Variants in SIRT5 observed in about 807,000 individuals in gnomAD.
SIRT5 encodes the protein NAD-dependent protein deacylase sirtuin-5, mitochondrial.
A neutral mutation model predicts 40.0 loss-of-function variants in SIRT5; 26 were observed. The ratio of observed to expected loss-of-function variants is 0.65; its 90% CI spans 0.48 to 0.90. SIRT5 has a LOEUF of 0.90. Among genes scored for constraint, SIRT5 ranks in the 40% least tolerant of loss-of-function variants. The pLI, the probability that SIRT5 is intolerant of heterozygous loss-of-function variation, is 0.00. For missense variants in SIRT5, 401 were observed against 402.4 expected (o/e 1.00, Z 0.03); for synonymous variants, 146 against 149.1 (o/e 0.98, Z 0.15).
chr6:13,583,556 A>G (rs1186555312), intron 2 of SIRT5, among the ~76,000 whole-genome samples: 2 of 152,046 alleles, frequency 1.3e-5, no homozygotes, highest in African/African-American at 4.8e-5. Context: ...GGCCTCCCAA[A>G]GTGGTGGGAT....
At chr6:13,595,790 CAGTG>C (rs1761495485) in intron 6 of SIRT5, among the ~76,000 whole-genome samples, 1 of 152,072 alleles carries the variant, frequency 6.6e-6, no homozygotes, top group Non-Finnish European at 1.5e-5. Context: ...CTGGGCAACA[CAGTG>C]AGAAACCTGT....
At chr6:13,594,890 A>C (rs1198606217) in intron 5 of SIRT5, among the ~76,000 whole-genome samples, 2 of 152,216 alleles carry the variant, frequency 1.3e-5, no homozygotes, top group African/African-American at 4.8e-5. Flanking sequence ...TTGATTACTT[A>C]TTTATTGAGG....
At chr6:13,576,069 A>T (rs1758595495) in intron 1 of SIRT5, among the ~76,000 whole-genome samples, 1 of 152,234 alleles carries the variant, frequency 6.6e-6, no homozygotes, top group African/African-American at 2.4e-5. Context: ...ATGGATACTT[A>T]GTTGCTTCTA....
intron 9 of SIRT5, among the ~76,000 whole-genome samples, chr6:13,603,141 G>T (rs897254140): frequency 1.3e-5 from 2 of 151,974 alleles, no homozygotes; most frequent in Non-Finnish European, 2.9e-5. Context: ...GCCGGGCGTG[G>T]TGGTGGGCGT....
At chr6:13,594,675 A>G (rs1761350217) in intron 5 of SIRT5, among the ~76,000 whole-genome samples, 1 of 152,196 alleles carries the variant, frequency 6.6e-6, no homozygotes, top group South Asian at 2.1e-4. Context: ...CCACAGCCCT[A>G]TTGGCTCAGC....
At chr6:13,577,082 T>G (rs1758729315) in intron 1 of SIRT5, among the ~76,000 whole-genome samples, 1 of 152,150 alleles carries the variant, frequency 6.6e-6, no homozygotes, top group African/African-American at 2.4e-5. Flanking sequence ...GATTAGGGAG[T>G]GTGATGCCTT....
intron 9 of SIRT5, among the ~76,000 whole-genome samples, chr6:13,610,947 A>G (rs1256858106): frequency 6.6e-6 from 1 of 152,140 alleles, no homozygotes; most frequent in African/African-American, 2.4e-5. Context: ...TTTTCTTTTA[A>G]TAATGCATGA....
rs994176926 is a variant in SIRT5 at position 13,607,898 on chromosome 6, C to T, written c.858-3892C>T. Among the ~76,000 whole-genome samples the T allele has an allele frequency of 6.6e-6, 1 of 152,090 alleles. No individual in the cohort carries two copies. Among genetic ancestry groups the T allele is most frequent in the Non-Finnish European group, 1.5e-5 (1 of 68,016 alleles). On this transcript the variant is annotated intron_variant, in intron 9 of 9. Transcript: ENST00000606117. This position sits in a 1 kb window ranked among gnomAD's most constrained non-coding sequence, Gnocchi z 4.0. ...CCTCCCAAGCAGCTAGGACTACAGGCGTGCGCCACCACACCCAGCTAATTT... is the reference window on the plus strand; with the variant it reads ...CCTCCCAAGCAGCTAGGACTACAGGTGTGCGCCACCACACCCAGCTAATTT...
intron 9 of SIRT5, 51 bp downstream of exon 9, chr6:13,601,000 A>G: frequency 7.1e-7 from 1 of 1,401,942 alleles, no homozygotes; most frequent in South Asian, 1.2e-5. Flanking sequence ...AGGTACAGAC[A>G]TGGTCATCTA....
At chr6:13,601,022 C>T (rs1762307156) in intron 9 of SIRT5, 73 bp downstream of exon 9, 1 of 1,130,428 alleles carries the variant, frequency 8.8e-7, no homozygotes, top group South Asian at 1.4e-5. Context: ...ACATAGTTGA[C>T]CTACTCCTCT....
intron 9 of SIRT5, among the ~76,000 whole-genome samples, chr6:13,602,425 G>A (rs1762513335): frequency 6.6e-6 from 1 of 152,024 alleles, no homozygotes; most frequent in African/African-American, 2.4e-5. Context: ...GCTTGAACCT[G>A]GGAGGGGGAG....
chr6:13,587,171 C>T (rs1049460175), intron 3 of SIRT5, among the ~76,000 whole-genome samples: 2 of 150,428 alleles, frequency 1.3e-5, no homozygotes, highest in African/African-American at 5.0e-5. Context: ...GGGGCATTCC[C>T]GGCTTCAGTA....
At chr6:13,596,850 T>C (rs753985931) in intron 6 of SIRT5, 113 bp from the exon 7 acceptor site, 1 of 758,508 alleles carries the variant, frequency 1.3e-6, no homozygotes, top group Non-Finnish European at 2.1e-6. Context: ...CATGTATTAA[T>C]TAGGAGTTTT....
intron 3 of SIRT5, among the ~76,000 whole-genome samples, chr6:13,585,404 C>A (rs112204739): frequency 0.016 from 2,386 of 151,946 alleles, 70 homozygotes; most frequent in African/African-American, 0.054. Flanking sequence ...CCCACCACCC[C>A]CCGACAGGCC....
At chr6:13,593,528 T>C (rs1761204426) in intron 5 of SIRT5, among the ~76,000 whole-genome samples, 1 of 152,188 alleles carries the variant, frequency 6.6e-6, no homozygotes, top group Non-Finnish European at 1.5e-5. Context: ...TCTTATAGAA[T>C]TGTTGTCGGG....
At chr6:13,582,476 A>G in intron 2 of SIRT5, among the ~76,000 whole-genome samples, 1 of 152,026 alleles carries the variant, frequency 6.6e-6, no homozygotes, top group Non-Finnish European at 1.5e-5. Flanking sequence ...GAAGCTCTAT[A>G]CTCATTATTT....
intron 1 of SIRT5, among the ~76,000 whole-genome samples, chr6:13,577,640 C>T (rs1703706784): frequency 6.7e-6 from 1 of 148,440 alleles, no homozygotes; most frequent in African/African-American, 2.4e-5. Context: ...TCTTATATGT[C>T]TCTCTATATT....
chr6:13,592,664 G>A (rs935585455), intron 5 of SIRT5, among the ~76,000 whole-genome samples: 17 of 152,308 alleles, frequency 1.1e-4, no homozygotes, highest in African/African-American at 4.1e-4. Flanking sequence ...TATGATGTCG[G>A]TGGAGTTTGT....
chr6:13,606,577 A>G (rs992002560), intron 9 of SIRT5, among the ~76,000 whole-genome samples: 5 of 152,216 alleles, frequency 3.3e-5, no homozygotes, highest in African/African-American at 1.2e-4. Flanking sequence ...TGGTCTGTTC[A>G]TTCAAAAAGC....
Sources: allele counts gnomAD v4.1 joint callset (sites outside exome capture counted in the v4.1 genomes callset), GRCh38; gene constraint gnomAD v4.1.1; non-coding constraint Gnocchi (gnomAD v3.1); transcripts MANE v1.5; gene names NCBI Gene and HGNC (gene_info 2026-07-23, HGNC 2026-07-21).